The following PTBP3 variants were observed in gnomAD, a reference collection of about 807,000 sequenced individuals.
PTBP3 encodes the protein polypyrimidine tract-binding protein 3.
PTBP3 carries 20 observed loss-of-function variants against 58.7 expected under a neutral mutation model. That is an observed-to-expected ratio of 0.34 (90% CI 0.24 to 0.50). The LOEUF (loss-of-function observed/expected upper bound fraction) is 0.50, where lower values mean the gene tolerates loss of function less well. PTBP3 is among the 20% of genes least tolerant of loss of function. The probability of loss-of-function intolerance (pLI) is 0.98; values close to 1 mark genes in which losing one functional copy is unlikely to be tolerated. For synonymous variants in PTBP3, 185 were observed against 219.8 expected, an observed-to-expected ratio of 0.84 and a Z score of 1.40; for missense variants, 509 against 637.2, an observed-to-expected ratio of 0.80 and a Z score of 2.17.
Position 112,268,229 on chromosome 9 carries a change from C to G in PTBP3, c.205-34G>C, listed in dbSNP as rs1253684052. 3 of 1,581,626 alleles carry G rather than the reference C, an allele frequency of 1.9e-6. No individual in the cohort carries two copies. In the East Asian group the frequency reaches 6.7e-5, roughly 36 times the overall value. On this transcript the variant is annotated intron_variant, in intron 3 of 13. Coordinates refer to ENST00000374257, the MANE Select transcript of PTBP3 (RefSeq NM_001163788.4). The stretch of plus-strand genomic sequence containing the variant: ...AACACAAGAAGGTAAAGTTAAAGCT[C>G]ATCTTTTTGAAAGACAGTTAAGATA...
chr9:112,296,754 C>T (rs1193024953), intron 2 of PTBP3, among the ~76,000 whole-genome samples: 1 of 152,200 alleles, frequency 6.6e-6, no homozygotes, highest in Non-Finnish European at 1.5e-5. Flanking sequence ...TGTCGTCCAA[C>T]TCTGTTCTTC....
chr9:112,354,422 AAAC>A, the PTBP3 span, among the ~76,000 whole-genome samples: 1 of 152,250 alleles, frequency 6.6e-6, no homozygotes, highest in Non-Finnish European at 1.5e-5. Flanking sequence ...AAACAAAACA[AAAC>A]AACAAAATAC....
At chr9:112,356,027 T>G in the PTBP3 span, among the ~76,000 whole-genome samples, 1 of 151,624 alleles carries the variant, frequency 6.6e-6, no homozygotes, top group Non-Finnish European at 1.5e-5. Flanking sequence ...TTCCTTCTTC[T>G]TTTCCTTCTT....
intron 8 of PTBP3, 147 bp from the exon 9 acceptor site, chr9:112,232,385 G>A: frequency 1.3e-6 from 1 of 772,902 alleles, no homozygotes; most frequent in South Asian, 1.9e-5. Flanking sequence ...CCAGTTTTCT[G>A]CCCTACAGAG....
chr9:112,357,453 T>C, the PTBP3 span, among the ~76,000 whole-genome samples: 8 of 152,064 alleles, frequency 5.3e-5, no homozygotes, highest in Admixed American at 1.3e-4. Context: ...CTGGGCTCAG[T>C]TGATCCTCTT....
At position 112,308,371 on chromosome 9, in the gene PTBP3, A is replaced by C. The variant is rs1362809013; in HGVS notation, c.-51-10455T>G. Among the ~76,000 whole-genome samples, 63 of 152,014 alleles carry C rather than the reference A, an allele frequency of 4.1e-4. 1 individual carries two copies. Among genetic ancestry groups the C allele is most frequent in the East Asian group, 1.3e-3 (7 of 5,186 alleles). ...TTATTTAAAAAAAAAAAAAAAAAAA[A>C]AAAAAAAAAACTTTTCTTTCCTAGA... On this transcript the variant is annotated intron_variant, in intron 1 of 13. Coordinates refer to ENST00000374257, the MANE Select transcript of PTBP3 (RefSeq NM_001163788.4).
chr9:112,307,321 C>A (rs1168118086), intron 1 of PTBP3, among the ~76,000 whole-genome samples: 1 of 151,988 alleles, frequency 6.6e-6, no homozygotes, highest in Admixed American at 6.6e-5. Flanking sequence ...GGGCATGGTA[C>A]CACACACCTG....
Position 112,222,458 on chromosome 9 carries a change from C to CA in PTBP3, c.*1392dup. ...TGAGAAAAACCAAGTAATCCTGAGA[C>CA]AAATTCTGATGGGTGAAAAAGATGA... On this transcript the variant is annotated 3_prime_UTR_variant, in exon 14 of 14. Coordinates refer to ENST00000374257, the MANE Select transcript of PTBP3 (RefSeq NM_001163788.4). 1 of 985,490 alleles carries CA rather than the reference C, an allele frequency of 1.0e-6. No individual in the cohort carries two copies. Among genetic ancestry groups the CA allele is most frequent in the Non-Finnish European group, 1.2e-6 (1 of 829,900 alleles). 61.0% of individuals were successfully genotyped at this position (985,490 alleles called of 1,614,324 possible). A position where few individuals can be genotyped will look rare whatever the true frequency, so the allele number is the denominator to read the frequency against.
chr9:112,361,084 CTTTA>C, the PTBP3 span, among the ~76,000 whole-genome samples: 13 of 151,968 alleles, frequency 8.6e-5, no homozygotes, highest in East Asian at 1.9e-4. Flanking sequence ...ACTTCATAGA[CTTTA>C]TTTATTTATT....
At chr9:112,373,698 C>T in the PTBP3 span, among the ~76,000 whole-genome samples, 3 of 152,182 alleles carry the variant, frequency 2.0e-5, no homozygotes, top group African/African-American at 7.2e-5. Flanking sequence ...TTCCCCAATC[C>T]AAATGCTGTT....
intron 6 of PTBP3, among the ~76,000 whole-genome samples, chr9:112,252,063 C>T (rs1381693636): frequency 3.3e-5 from 5 of 151,762 alleles, no homozygotes; most frequent in Non-Finnish European, 5.9e-5. Flanking sequence ...CTAAGATAAT[C>T]GAACTGAATG....
At chr9:112,335,275 GTTTT>G (rs1830551406), upstream of PTBP3, among the ~76,000 whole-genome samples, 1 of 75,986 alleles carries the variant, frequency 1.3e-5, no homozygotes, top group Non-Finnish European at 3.7e-5. Flanking sequence ...TTTGTTGTTT[GTTTT>G]TTTGTTTTTT....
intron 3 of PTBP3, among the ~76,000 whole-genome samples, chr9:112,273,585 C>G (rs10817308): frequency 6.6e-6 from 1 of 152,008 alleles, no homozygotes; most frequent in East Asian, 1.9e-4. Flanking sequence ...TTTAAGTATA[C>G]AGAACCGAAA....
intron 2 of PTBP3, among the ~76,000 whole-genome samples, chr9:112,286,216 T>A (rs907435672): frequency 6.6e-6 from 1 of 152,198 alleles, no homozygotes; most frequent in Non-Finnish European, 1.5e-5. Context: ...AATGGGTTTC[T>A]TATACACATC....
chr9:112,352,486 A>G, the PTBP3 span, among the ~76,000 whole-genome samples: 1 of 152,176 alleles, frequency 6.6e-6, no homozygotes, highest in Non-Finnish European at 1.5e-5. Flanking sequence ...ATGGGTCAGC[A>G]AACTGAGTCC....
At chr9:112,375,904 C>G in the PTBP3 span, among the ~76,000 whole-genome samples, 1 of 152,080 alleles carries the variant, frequency 6.6e-6, no homozygotes, top group Admixed American at 6.5e-5. Context: ...GAGTAGTTAT[C>G]TGCAGAAGAA....
At chr9:112,244,295 A>AAAAAAAAAAAAAAAAAAAAAAAAAG (rs1835787398) in intron 7 of PTBP3, among the ~76,000 whole-genome samples, 1 of 146,452 alleles carries the variant, frequency 6.8e-6, no homozygotes, top group Non-Finnish European at 1.5e-5. Context: ...GTCTCAAAAA[A>AAAAAAAAAAAAAAAAAAAAAAAAAG]AAAAAAAAAA....
chr9:112,324,224 T>C (rs1007740132), intron 1 of PTBP3, among the ~76,000 whole-genome samples: 6 of 151,984 alleles, frequency 3.9e-5, no homozygotes, highest in Non-Finnish European at 7.4e-5. Flanking sequence ...ACCAAGAGAA[T>C]TCATGTCAAT....
At chr9:112,317,280 G>A (rs370467286) in intron 1 of PTBP3, among the ~76,000 whole-genome samples, 42 of 151,250 alleles carry the variant, frequency 2.8e-4, no homozygotes, top group African/African-American at 8.0e-4. Flanking sequence ...AAATTAGTGA[G>A]GCACAATGGT....
Sources: gnomAD v4.1 joint callset for allele counts (sites outside exome capture counted in the v4.1 genomes callset) on GRCh38, gnomAD v4.1.1 for gene constraint, MANE v1.5 for transcripts, NCBI Gene and HGNC (gene_info 2026-07-23, HGNC 2026-07-21) for gene names.